The following NAA40 variants were observed in gnomAD, a reference collection of about 807,000 sequenced individuals.
NAA40 encodes N-alpha-acetyltransferase 40.
NAA40 carries 26 observed loss-of-function variants against 36.6 expected under a neutral mutation model. The observed-to-expected ratio is 0.71, with a 90% CI of 0.52 to 0.98. The LOEUF (loss-of-function observed/expected upper bound fraction) is 0.98, where lower values mean the gene tolerates loss of function less well. Among genes scored for constraint, NAA40 ranks in the 50% least tolerant of loss-of-function variants. NAA40 has a pLI of 0.00. For synonymous variants in NAA40, 129 were observed against 108.4 expected, an observed-to-expected ratio of 1.19 and a Z score of -1.18; for missense variants, 237 against 306.5, an observed-to-expected ratio of 0.77 and a Z score of 1.69.
chr11:63,952,202 G>A (rs1490371801), intron 3 of NAA40, 36 bp from the exon 4 acceptor site: 1 of 1,518,920 alleles, frequency 6.6e-7, no homozygotes, highest in East Asian at 2.3e-5. Flanking sequence ...CAGGAGTGCT[G>A]TAACCAATTC....
In NAA40 at chr11:63,945,800, C is replaced by T. The variant is rs764739272; in HGVS notation, c.7-40C>T. 33 of 1,558,228 alleles carry T rather than the reference C, an allele frequency of 2.1e-5. 1 individual carries two copies. The South Asian group carries it at 3.6e-4, about 17-fold the overall frequency. On this transcript the variant is annotated intron_variant, in intron 1 of 7. Transcript: ENST00000377793. Reference sequence around the variant, plus strand: ...AAAGGGAAAGTCAGTGCTTGATTGGCCACAGCCATTCCAGCTAACGTTGCT... The same window carrying T: ...AAAGGGAAAGTCAGTGCTTGATTGGTCACAGCCATTCCAGCTAACGTTGCT...
chr11:63,945,710 C>T, intron 1 of NAA40, 130 bp from the exon 2 acceptor site: 1 of 782,164 alleles, frequency 1.3e-6, no homozygotes, highest in Non-Finnish European at 2.2e-6. Context: ...AAATGTGTGG[C>T]AGCAGAGGTG....
At position 63,954,391 on chromosome 11, in the gene NAA40, G is replaced by T; in HGVS notation, c.626G>T (p.Cys209Phe). 1 of 1,612,804 alleles carries T rather than the reference G, an allele frequency of 6.2e-7. No individual in the cohort carries two copies. The highest frequency in any genetic ancestry group is 8.5e-7 in the Non-Finnish European group (1 of 1,179,356). Residue 209 changes from cysteine (C) to phenylalanine (F), a missense_variant, in exon 8 of 8, where the codon TGC becomes TTC. Transcript: ENST00000377793. ...ATGTCCGGTTGCTGTGGGGAGGATT[G>T]CTCCTATGAGATCCTGAGCCGGAGG... ...PSMSGCCGED[C>F]SYEILSRRTK... is the part of the protein sequence containing the mutation.
chr11:63,954,459 T>G lies in NAA40; in HGVS notation c.694T>G (p.Cys232Gly). ...DSHHSHAGGHCGGCCH is the reference protein window; with the variant it reads ...DSHHSHAGGHGGGCCH Reference sequence around the variant, plus strand: ...CCATCACTCCCACGCGGGTGGGCACTGTGGTGGCTGCTGCCACTGAACTCT... The same window carrying G: ...CCATCACTCCCACGCGGGTGGGCACGGTGGTGGCTGCTGCCACTGAACTCT... Residue 232 changes from cysteine to glycine, a missense_variant, in exon 8 of 8, where the codon TGT becomes GGT. By Grantham distance (159) the Cys-to-Gly change is radical. Coordinates refer to ENST00000377793, the MANE Select transcript of NAA40 (RefSeq NM_024771.4). The G allele has an allele frequency of 6.2e-7, 1 of 1,601,790 alleles. No homozygotes were observed. The highest frequency in any genetic ancestry group is 2.2e-5 in the East Asian group (1 of 44,712).
Position 63,939,032 on chromosome 11 carries a change from A to AGCCG in NAA40, c.-65_-64insGCCG, listed in dbSNP as rs1565168028. On this transcript the variant is annotated 5_prime_UTR_variant, in exon 1 of 8. Coordinates refer to ENST00000377793, the MANE Select transcript of NAA40 (RefSeq NM_024771.4). ...CTCTGCTGCCGCCGCTGTTGCAGCC[A>AGCCG]CCGCCGTTGCCGCCTCCCTGCCGGC... 1,267 of 1,530,910 alleles carry AGCCG rather than the reference A, an allele frequency of 8.3e-4. 9 individuals carry two copies. The African/African-American group carries it at 0.013, about 16-fold the overall frequency. The allele number at this position is 1,530,910 out of a possible 1,614,324, so 94.8% of individuals were successfully genotyped here.
In NAA40 at chr11:63,949,814, G is replaced by A. The variant is rs561627650; in HGVS notation, c.156-2424G>A. Reference sequence around the variant, plus strand: ...GGCTGGAGTGCAGTGGCGCCATCTCGGCTCACTGCAAGCTCAGCCTCCCGG... The same window carrying A: ...GGCTGGAGTGCAGTGGCGCCATCTCAGCTCACTGCAAGCTCAGCCTCCCGG... On this transcript the variant is annotated intron_variant, in intron 3 of 7. Coordinates refer to ENST00000377793, the MANE Select transcript of NAA40 (RefSeq NM_024771.4). Among the ~76,000 whole-genome samples the A allele has an allele frequency of 7.6e-4, 110 of 144,218 alleles. 2 individuals carry two copies. In the South Asian group the frequency reaches 0.023, roughly 31 times the overall value. The allele number at this position is 144,218 out of a possible 152,430, so 94.6% of individuals were successfully genotyped here. A position where few individuals can be genotyped will look rare whatever the true frequency, so the allele number is the denominator to read the frequency against.
intron 3 of NAA40, among the ~76,000 whole-genome samples, chr11:63,951,650 CTGTT>C (rs1942279987): frequency 6.7e-6 from 1 of 150,370 alleles, no homozygotes; most frequent in African/African-American, 2.4e-5. Context: ...CTGCCTCAAT[CTGTT>C]TGATCAGCTG....
intron 1 of NAA40, among the ~76,000 whole-genome samples, chr11:63,943,652 C>T (rs900140587): frequency 2.6e-5 from 4 of 151,954 alleles, no homozygotes; most frequent in African/African-American, 9.7e-5. Flanking sequence ...TAGTTTCTGC[C>T]CTGATAATTG....
intron 1 of NAA40, chr11:63,939,641 C>G (rs1942074184): frequency 4.4e-6 from 1 of 225,540 alleles, no homozygotes. Context: ...TACACTCTTT[C>G]GAAACCTCTC....
At chr11:63,947,060 C>G in intron 3 of NAA40, 57 bp downstream of exon 3, 2 of 1,522,256 alleles carry the variant, frequency 1.3e-6, no homozygotes, top group Non-Finnish European at 1.8e-6. Flanking sequence ...CAGGAATTCC[C>G]TTTCCAGAGT....
At position 63,954,334 on chromosome 11, in the gene NAA40, G is replaced by A. The variant is rs367920018; in HGVS notation, c.573-4G>A. On this transcript the variant is annotated splice_polypyrimidine_tract_variant and splice_region_variant and intron_variant, in intron 7 of 7. Transcript: ENST00000377793. The stretch of plus-strand genomic sequence containing the variant: ...CCAACCCTTTTCTCCTGCCTGCCTT[G>A]CAGATTTGAAATTGATGACTCTTCC... 42 of 1,584,100 alleles carry A rather than the reference G, an allele frequency of 2.7e-5. No homozygotes were observed. In the East Asian group the frequency reaches 9.0e-4, roughly 34 times the overall value.
In NAA40 at chr11:63,952,794, G is replaced by C; in HGVS notation, c.449G>C (p.Gly150Ala). 1 of 1,614,108 alleles carries C rather than the reference G, an allele frequency of 6.2e-7. No homozygotes were observed. Among genetic ancestry groups the C allele is most frequent in the East Asian group, 2.2e-5 (1 of 44,882 alleles). Residue 150 changes from glycine (G) to alanine (A), a missense_variant, in exon 6 of 8, where the codon GGC becomes GCC. Transcript: ENST00000377793. ...VQLESKVRRKGLGKFLIQILQ... is the reference protein window; with the variant it reads ...VQLESKVRRKALGKFLIQILQ... ...TTGGAAAGCAAGGTGCGGCGGAAAG[G>C]CCTGGGGAAGTTCCTCATACAGATC...
At chr11:63,940,281 C>G (rs1330937915) in intron 1 of NAA40, among the ~76,000 whole-genome samples, 2 of 152,094 alleles carry the variant, frequency 1.3e-5, no homozygotes, top group Non-Finnish European at 2.9e-5. Flanking sequence ...GAACTCCTGA[C>G]CTCGTGATTC....
intron 3 of NAA40, among the ~76,000 whole-genome samples, chr11:63,951,465 T>C (rs1438285239): frequency 6.6e-6 from 1 of 152,128 alleles, no homozygotes; most frequent in Non-Finnish European, 1.5e-5. Context: ...TGCCTCAGCC[T>C]CCCGAGTAGC....
At chr11:63,939,661 C>G in intron 1 of NAA40, 1 of 173,722 alleles carries the variant, frequency 5.8e-6, no homozygotes, top group Non-Finnish European at 1.1e-5. Context: ...CCACCAGGTT[C>G]CTGCTGCTCC....
At chr11:63,944,980 G>A (rs906074459) in intron 1 of NAA40, among the ~76,000 whole-genome samples, 1 of 152,086 alleles carries the variant, frequency 6.6e-6, no homozygotes, top group Non-Finnish European at 1.5e-5. Flanking sequence ...CTCTTGCCGT[G>A]TGTTACCTGG....
At chr11:63,953,883 G>C in intron 6 of NAA40, 89 bp from the exon 7 acceptor site, 4 of 1,105,294 alleles carry the variant, frequency 3.6e-6, no homozygotes, top group Non-Finnish European at 5.4e-6. Context: ...TCCCACCTTT[G>C]CCCCTCAAAG....
chr11:63,946,196 A>T, intron 2 of NAA40: 2 of 466,250 alleles, frequency 4.3e-6, no homozygotes, highest in Non-Finnish European at 3.9e-6. Context: ...ATAGAGGAGG[A>T]TCTAGATAAT....
In NAA40 at chr11:63,939,119, G is replaced by C. The variant is rs1243376881; in HGVS notation, c.6+17G>C. 1 of 1,602,418 alleles carries C rather than the reference G, an allele frequency of 6.2e-7. No homozygotes were observed. Among genetic ancestry groups the C allele is most frequent in the South Asian group, 1.1e-5 (1 of 90,670 alleles). On this transcript the variant is annotated intron_variant, in intron 1 of 7. Coordinates refer to ENST00000377793, the MANE Select transcript of NAA40 (RefSeq NM_024771.4). Reference sequence around the variant, plus strand: ...GCTATGGGGGTGAGTGAGGCAGAGAGAGGAGATGGGAGGTCCAGGGGCGCT... The same window carrying C: ...GCTATGGGGGTGAGTGAGGCAGAGACAGGAGATGGGAGGTCCAGGGGCGCT...
Sources: gnomAD v4.1 joint callset for allele counts (sites outside exome capture counted in the v4.1 genomes callset) on GRCh38, gnomAD v4.1.1 for gene constraint, MANE v1.5 for transcripts, NCBI Gene and HGNC (gene_info 2026-07-23, HGNC 2026-07-21) for gene names.